Variants in OSBPL10 observed in about 807,000 individuals in gnomAD.
OSBPL10 encodes oxysterol binding protein like 10.
OSBPL10 carries 49 observed loss-of-function variants against 81.7 expected under a neutral mutation model. The ratio of observed to expected loss-of-function variants is 0.60; its 90% CI spans 0.48 to 0.76. The LOEUF (loss-of-function observed/expected upper bound fraction) is 0.76, where lower values mean the gene tolerates loss of function less well. OSBPL10 is among the 30% of genes least tolerant of loss of function. OSBPL10 has a pLI of 0.00. For synonymous variants in OSBPL10, 419 were observed against 383.6 expected (o/e 1.09, Z -1.08); for missense variants, 923 against 987.8 (o/e 0.93, Z 0.88).
intron 1 of OSBPL10, among the ~76,000 whole-genome samples, chr3:31,897,822 A>T (rs1696100027): frequency 6.6e-6 from 1 of 151,922 alleles, no homozygotes; most frequent in Admixed American, 6.6e-5. Flanking sequence ...AGCCTGGCCA[A>T]TATGGTGAAA....
At chr3:31,977,642 A>T (rs1164674872) in intron 1 of OSBPL10, among the ~76,000 whole-genome samples, 2 of 152,220 alleles carry the variant, frequency 1.3e-5, no homozygotes, top group African/African-American at 4.8e-5. Flanking sequence ...CTCACACTTA[A>T]AATTATTCCT....
chr3:31,988,895 A>G lies in OSBPL10; in HGVS notation n.298+57596T>C, dbSNP rs2125518825. Reference sequence around the variant, plus strand: ...CTACAACCCAGAGAGACACTGAGCCAGGAACACCCAGCTGAAGTGCCTCCA... The same window carrying G: ...CTACAACCCAGAGAGACACTGAGCCGGGAACACCCAGCTGAAGTGCCTCCA... On this transcript the variant is annotated intron_variant and non_coding_transcript_variant, in intron 2 of 3. Coordinates refer to the OSBPL10 transcript ENST00000479173. 1.0e-5 allele frequency: 7 copies of G among 701,642 alleles called. No homozygotes were observed. The South Asian group carries it at 1.2e-4, about 12-fold the overall frequency. 43.5% of individuals were successfully genotyped at this position (701,642 alleles called of 1,614,324 possible).
At chr3:31,929,747 CAA>C (rs11328456) in intron 1 of OSBPL10, among the ~76,000 whole-genome samples, 373 of 119,064 alleles carry the variant, frequency 3.1e-3, no homozygotes, top group Non-Finnish European at 4.3e-3. Flanking sequence ...GACTCTGTCT[CAA>C]AAAAAAAAAA....
At chr3:31,890,800 C>T (rs1465800455) in intron 1 of OSBPL10, among the ~76,000 whole-genome samples, 2 of 152,166 alleles carry the variant, frequency 1.3e-5, no homozygotes, top group African/African-American at 4.8e-5. Context: ...CGATACCAAT[C>T]TGCGTCTTAA....
At chr3:31,971,150 T>TTC (rs1698555839) in intron 1 of OSBPL10, among the ~76,000 whole-genome samples, 2 of 145,930 alleles carry the variant, frequency 1.4e-5, no homozygotes, top group African/African-American at 5.1e-5. Context: ...TTTTTTTTTT[T>TTC]TTTTTTTTGA....
chr3:31,866,344 C>T lies in OSBPL10; in HGVS notation c.537+10089G>A, dbSNP rs150268778. Among the ~76,000 whole-genome samples, 535 of 152,232 alleles carry T rather than the reference C, an allele frequency of 3.5e-3. 3 individuals carry two copies. The highest frequency in any genetic ancestry group is 0.012 in the African/African-American group (495 of 41,532). On this transcript the variant is annotated intron_variant, in intron 3 of 11. Transcript: ENST00000396556. ...GGTGTCTGCACCTGGCAAGCAGGGG[C>T]GAGGTCTATCAGTTGGTCTCTCAAC...
At chr3:31,934,785 T>A (rs1358076195) in intron 1 of OSBPL10, among the ~76,000 whole-genome samples, 1 of 152,156 alleles carries the variant, frequency 6.6e-6, no homozygotes, top group Non-Finnish European at 1.5e-5. Context: ...AAATTGGATA[T>A]CCACGGTTAA....
At position 31,990,415 on chromosome 3, in the gene OSBPL10, C is replaced by A. The variant is rs573670644; in HGVS notation, n.298+56076G>T. 19 of 1,608,094 alleles carry A rather than the reference C, an allele frequency of 1.2e-5. No individual in the cohort carries two copies. The African/African-American group carries it at 2.2e-4, about 19-fold the overall frequency. The stretch of plus-strand genomic sequence containing the variant: ...TCGTTCATATCTCGTAGTTCATTGG[C>A]GAACTCATACTGGAGAGAAACCTTA... On this transcript the variant is annotated intron_variant and non_coding_transcript_variant, in intron 2 of 3. Coordinates refer to the OSBPL10 transcript ENST00000479173.
chr3:31,812,049 C>G (rs941917345), intron 4 of OSBPL10, among the ~76,000 whole-genome samples: 9 of 152,120 alleles, frequency 5.9e-5, no homozygotes, highest in Admixed American at 3.9e-4. Flanking sequence ...TATTTTGAGA[C>G]AGAGTCTTGC....
At chr3:32,019,983 T>C (rs948704475) in intron 2 of OSBPL10, among the ~76,000 whole-genome samples, 1 of 152,174 alleles carries the variant, frequency 6.6e-6, no homozygotes, top group Non-Finnish European at 1.5e-5. Flanking sequence ...TGCGGAGGGA[T>C]TTCTCTCCCA....
chr3:31,927,119 C>A (rs1305967356), intron 1 of OSBPL10, among the ~76,000 whole-genome samples: 1 of 152,066 alleles, frequency 6.6e-6, no homozygotes, highest in African/African-American at 2.4e-5. Flanking sequence ...TCAACAACAA[C>A]AACAACAACA....
chr3:31,962,226 G>A (rs926850237), intron 1 of OSBPL10, among the ~76,000 whole-genome samples: 3 of 152,046 alleles, frequency 2.0e-5, no homozygotes, highest in African/African-American at 7.2e-5. Flanking sequence ...CAAAATGCTG[G>A]GATTACAGGT....
chr3:31,846,346 G>A (rs758156177), intron 3 of OSBPL10, among the ~76,000 whole-genome samples: 11 of 152,240 alleles, frequency 7.2e-5, no homozygotes, highest in Middle Eastern at 3.4e-3. Flanking sequence ...TACTGGGGCC[G>A]GGCGAGGTGA....
chr3:31,899,854 C>T (rs1396747318), intron 1 of OSBPL10, among the ~76,000 whole-genome samples: 1 of 152,002 alleles, frequency 6.6e-6, no homozygotes, highest in Non-Finnish European at 1.5e-5. Flanking sequence ...TATGATGGCA[C>T]ACACCTGTGG....
intron 4 of OSBPL10, among the ~76,000 whole-genome samples, chr3:31,789,300 T>C (rs1698948331): frequency 6.6e-6 from 1 of 152,194 alleles, no homozygotes; most frequent in African/African-American, 2.4e-5. Context: ...TGAAAACTCT[T>C]CACGCACAGA....
At chr3:32,017,825 A>G (rs949799630) in intron 2 of OSBPL10, among the ~76,000 whole-genome samples, 4 of 152,190 alleles carry the variant, frequency 2.6e-5, no homozygotes, top group African/African-American at 9.7e-5. Context: ...ATTGTGAACA[A>G]TCACATTCAT....
intron 4 of OSBPL10, among the ~76,000 whole-genome samples, chr3:31,766,329 GTTTTTTTGTT>G (rs1244017208): frequency 4.4e-5 from 1 of 22,578 alleles, no homozygotes; most frequent in Non-Finnish European, 1.7e-4. Flanking sequence ...TAGTTTTTTT[GTTTTTTTGTT>G]TTTTTTTGTT....
intron 4 of OSBPL10, among the ~76,000 whole-genome samples, chr3:31,776,521 T>C (rs1195692228): frequency 6.6e-6 from 1 of 152,216 alleles, no homozygotes; most frequent in Non-Finnish European, 1.5e-5. Context: ...ACAGCAGCAC[T>C]ATTCACAATA....
intron 1 of OSBPL10, among the ~76,000 whole-genome samples, chr3:31,905,698 G>A (rs1696389891): frequency 6.6e-6 from 1 of 151,956 alleles, no homozygotes; most frequent in Non-Finnish European, 1.5e-5. Context: ...GGCCTAGTGA[G>A]AGAGGAGGAC....
Sources: allele counts gnomAD v4.1 joint callset (sites outside exome capture counted in the v4.1 genomes callset), GRCh38; gene constraint gnomAD v4.1.1; transcripts MANE v1.5; gene names NCBI Gene and HGNC (gene_info 2026-07-23, HGNC 2026-07-21).